FNBP1: variants seen among roughly 807,000 people sequenced by gnomAD.
The protein encoded by FNBP1 is formin-binding protein 1.
Under a neutral mutation model 90.6 loss-of-function variants are expected in FNBP1, and 26 were observed. That is an observed-to-expected ratio of 0.29 (90% CI 0.21 to 0.40). The LOEUF is 0.40. FNBP1 is among the 10% of genes least tolerant of loss of function. The probability of loss-of-function intolerance (pLI) is 1.00; values close to 1 mark genes in which losing one functional copy is unlikely to be tolerated. For synonymous variants in FNBP1, 260 were observed against 265.2 expected (o/e 0.98, Z 0.19); for missense variants, 635 against 768.0 (o/e 0.83, Z 2.05).
chr9:129,916,577 T>C (rs1038313676), intron 10 of FNBP1, among the ~76,000 whole-genome samples: 2 of 150,898 alleles, frequency 1.3e-5, no homozygotes, highest in Admixed American at 6.6e-5. Flanking sequence ...AGGTCGCGCA[T>C]TGCACTCCAG....
At chr9:130,024,869 C>T (rs2058186379) in intron 1 of FNBP1, among the ~76,000 whole-genome samples, 1 of 152,116 alleles carries the variant, frequency 6.6e-6, no homozygotes, top group African/African-American at 2.4e-5. Flanking sequence ...TAAACCTTAG[C>T]CAAAAGGTTT....
chr9:130,033,846 CAAAAAAA>C (rs36040639), intron 1 of FNBP1, among the ~76,000 whole-genome samples: 1 of 103,698 alleles, frequency 9.6e-6, no homozygotes, highest in Non-Finnish European at 1.8e-5. Context: ...ACTAAAAATA[CAAAAAAA>C]AAAAAAAAAA....
chr9:129,893,666 C>T (rs543629709), intron 16 of FNBP1, among the ~76,000 whole-genome samples: 112 of 133,890 alleles, frequency 8.4e-4, no homozygotes, highest in African/African-American at 3.0e-3. Flanking sequence ...CCTGTAATCC[C>T]AACACTTTGG....
upstream of FNBP1, among the ~76,000 whole-genome samples, chr9:130,046,775 CAAAAAAAAA>C (rs34811454): frequency 1.2e-5 from 1 of 83,196 alleles, no homozygotes; most frequent in South Asian, 4.3e-4. Context: ...GACTTTATCT[CAAAAAAAAA>C]AAAAAAAAAA....
At position 129,966,376 on chromosome 9, in the gene FNBP1, G is replaced by C. The variant is rs1309782556; in HGVS notation, c.346-7823C>G. On this transcript the variant is annotated intron_variant, in intron 4 of 16. Coordinates refer to ENST00000446176, the MANE Select transcript of FNBP1 (RefSeq NM_015033.3). The surrounding 1 kb of genome is among the most constrained non-coding windows in gnomAD (Gnocchi z 4.3). Reference sequence around the variant, plus strand: ...TAAAGGGCACAGGGACGGAGGGCAGGCAGGGGCTTGACCATGGACAGCCTC... The same window carrying C: ...TAAAGGGCACAGGGACGGAGGGCAGCCAGGGGCTTGACCATGGACAGCCTC... Among the ~76,000 whole-genome samples the C allele has an allele frequency of 6.6e-6, 1 of 152,188 alleles. No homozygotes were observed.
chr9:129,909,866 T>C (rs887851005), intron 11 of FNBP1, among the ~76,000 whole-genome samples: 5 of 152,206 alleles, frequency 3.3e-5, no homozygotes, highest in Non-Finnish European at 7.3e-5. Flanking sequence ...ATTACAGGCA[T>C]GAGCCGCCGC....
rs71499203 is a variant in FNBP1 at position 129,914,755 on chromosome 9, G to GTGTGTATATA, written c.1185+1210_1185+1211insTATATACACA. On this transcript the variant is annotated intron_variant, in intron 11 of 16. Coordinates refer to ENST00000446176, the MANE Select transcript of FNBP1 (RefSeq NM_015033.3). ...AAAAATTATGTATATACATACATATGTCTATATATATATATATATATATAT... is the reference window on the plus strand; with the variant it reads ...AAAAATTATGTATATACATACATATGTGTGTATATATCTATATATATATATATATATATAT... Among the ~76,000 whole-genome samples, 226 of 98,414 alleles carry GTGTGTATATA rather than the reference G, an allele frequency of 2.3e-3. 2 individuals carry two copies. The highest frequency in any genetic ancestry group is 3.8e-3 in the Admixed American group (32 of 8,356). 64.6% of individuals were successfully genotyped at this position (98,414 alleles called of 152,430 possible).
At chr9:130,020,809 T>A (rs995584575) in intron 1 of FNBP1, among the ~76,000 whole-genome samples, 1 of 152,184 alleles carries the variant, frequency 6.6e-6, no homozygotes, top group African/African-American at 2.4e-5. Flanking sequence ...AGCTGCCATT[T>A]TTCTCATGTG....
intron 6 of FNBP1, among the ~76,000 whole-genome samples, chr9:129,939,389 C>G (rs987152012): frequency 2.3e-4 from 33 of 144,404 alleles, no homozygotes; most frequent in Non-Finnish European, 6.0e-5. Context: ...GCCTCCGTCC[C>G]GAAAAATAAA....
intron 1 of FNBP1, among the ~76,000 whole-genome samples, chr9:130,028,689 G>C (rs7041205): frequency 0.084 from 12,729 of 152,230 alleles, 675 homozygotes; most frequent in African/African-American, 0.16. Context: ...TTGGCAAACA[G>C]AGTGCAGAGT....
chr9:129,912,151 T>C (rs1564305099), intron 11 of FNBP1, among the ~76,000 whole-genome samples: 3 of 151,938 alleles, frequency 2.0e-5, no homozygotes, highest in Non-Finnish European at 4.4e-5. Context: ...TCAGCCACTA[T>C]CTCCAGGTAG....
At chr9:129,941,184 T>C (rs2044270776) in intron 6 of FNBP1, among the ~76,000 whole-genome samples, 2 of 147,428 alleles carry the variant, frequency 1.4e-5, no homozygotes, top group South Asian at 4.3e-4. Context: ...AGGTCAGGAG[T>C]TCAAGACCAG....
intron 16 of FNBP1, among the ~76,000 whole-genome samples, chr9:129,893,998 G>A (rs1358425585): frequency 6.6e-6 from 1 of 151,850 alleles, no homozygotes; most frequent in Non-Finnish European, 1.5e-5. Context: ...TTGAAACACG[G>A]CCCCTAGCAT....
chr9:130,003,468 G>A (rs2055166972), intron 1 of FNBP1, among the ~76,000 whole-genome samples: 1 of 152,008 alleles, frequency 6.6e-6, no homozygotes, highest in Admixed American at 6.6e-5. Context: ...TGAGCCAGGA[G>A]TGGAGGTACA....
intron 2 of FNBP1, among the ~76,000 whole-genome samples, chr9:129,994,375 G>A (rs903470025): frequency 4.6e-5 from 7 of 152,258 alleles, no homozygotes; most frequent in Non-Finnish European, 7.3e-5. Context: ...TAATCCACGC[G>A]GTTAGAAGTC....
At chr9:129,906,787 C>CT (rs544808069) in intron 12 of FNBP1, among the ~76,000 whole-genome samples, 1,940 of 147,770 alleles carry the variant, frequency 0.013, 18 homozygotes, top group Middle Eastern at 0.025. Context: ...ACTTTGAGCA[C>CT]TTTTTTTTTT....
At chr9:130,030,946 G>A (rs910315719) in intron 1 of FNBP1, among the ~76,000 whole-genome samples, 1 of 152,158 alleles carries the variant, frequency 6.6e-6, no homozygotes, top group Non-Finnish European at 1.5e-5. Context: ...AGTGCTGGTA[G>A]GTTTAGGTTT....
intron 4 of FNBP1, among the ~76,000 whole-genome samples, chr9:129,962,274 C>T (rs1171487189): frequency 1.3e-5 from 2 of 152,238 alleles, no homozygotes; most frequent in Non-Finnish European, 2.9e-5. Flanking sequence ...CTCCAGGGTA[C>T]TGAACCATCC....
At chr9:130,023,462 C>T (rs941337167) in intron 1 of FNBP1, among the ~76,000 whole-genome samples, 2 of 152,156 alleles carry the variant, frequency 1.3e-5, no homozygotes, top group African/African-American at 4.8e-5. Flanking sequence ...GGGCTAGAGA[C>T]TTCCCCGGCC....
Sources: allele counts gnomAD v4.1 joint callset (sites outside exome capture counted in the v4.1 genomes callset), GRCh38; gene constraint gnomAD v4.1.1; non-coding constraint Gnocchi (gnomAD v3.1); transcripts MANE v1.5; gene names NCBI Gene and HGNC (gene_info 2026-07-23, HGNC 2026-07-21).